Variants in CACNB1 observed in about 807,000 individuals in gnomAD.
The protein encoded by CACNB1 is voltage-dependent L-type calcium channel subunit beta-1.
A neutral mutation model predicts 71.6 loss-of-function variants in CACNB1; 29 were observed. The observed-to-expected ratio is 0.40, with a 90% CI of 0.30 to 0.55. The LOEUF (loss-of-function observed/expected upper bound fraction) is 0.55. Ranked by LOEUF, CACNB1 falls within the 20% of genes least tolerant of loss-of-function variation. The probability of loss-of-function intolerance (pLI) is 0.38; values close to 1 mark genes in which losing one functional copy is unlikely to be tolerated. For synonymous variants in CACNB1, 300 were observed against 319.6 expected, an observed-to-expected ratio of 0.94 and a Z score of 0.65; for missense variants, 623 against 801.8, an observed-to-expected ratio of 0.78 and a Z score of 2.69.
chr17:39,186,405 T>G lies in CACNB1; in HGVS notation c.628+91A>C. The G allele has an allele frequency of 1.1e-6, 1 of 936,142 alleles. No individual in the cohort carries two copies. The highest frequency in any genetic ancestry group is 1.6e-6 in the Non-Finnish European group (1 of 606,344). 58.0% of individuals were successfully genotyped at this position (936,142 alleles called of 1,614,324 possible). On this transcript the variant is annotated intron_variant, in intron 6 of 13. Coordinates refer to ENST00000394303, the MANE Select transcript of CACNB1 (RefSeq NM_000723.5). The surrounding 1 kb of genome is among the most constrained non-coding windows in gnomAD (Gnocchi z 4.1). Reference sequence around the variant, plus strand: ...TTGGGGGACTCAGGATTGGGGTGTTTCCTACTGCAGGGAAAGGAGGATTCA... The same window carrying G: ...TTGGGGGACTCAGGATTGGGGTGTTGCCTACTGCAGGGAAAGGAGGATTCA...
chr17:39,175,218 C>T lies in CACNB1; in HGVS notation c.1772G>A (p.Trp591Ter), dbSNP rs1567787546. 5 of 1,613,308 alleles carry T rather than the reference C, an allele frequency of 3.1e-6. No individual in the cohort carries two copies. Among genetic ancestry groups the T allele is most frequent in the South Asian group, 1.1e-5 (1 of 91,026 alleles). ...LGRNKNELEG[W>*]GRGVYIR ...TCAGCGAATGTAGACGCCTCGTCCC[C>T]AGCCCTCCAGCTCATTCTTGTTGCG... Residue 591 changes from tryptophan to a stop codon, truncating the protein, a stop_gained, in exon 14 of 14, where the codon TGG (tryptophan) becomes TAG (stop). Transcript: ENST00000394303. LOFTEE classifies it high-confidence loss of function. This position sits in a 1 kb window ranked among gnomAD's most constrained non-coding sequence, Gnocchi z 4.7.
chr17:39,194,332 T>C lies in CACNB1; in HGVS notation c.171+552A>G, dbSNP rs2046158095. On this transcript the variant is annotated intron_variant, in intron 2 of 13. Transcript: ENST00000394303. The surrounding 1 kb of genome is among the most constrained non-coding windows in gnomAD (Gnocchi z 4.6). ...GCAGGGGTGCTGGGCTATCATCTTC[T>C]CTATTATAAAATCAACAGCCTCATG... Among the ~76,000 whole-genome samples, 2 of 152,148 alleles carry C rather than the reference T, an allele frequency of 1.3e-5. No individual in the cohort carries two copies. Among genetic ancestry groups the C allele is most frequent in the South Asian group, 4.1e-4 (2 of 4,826 alleles).
intron 1 of CACNB1, 102 bp downstream of exon 1, chr17:39,197,310 C>T (rs2046221956): frequency 5.7e-6 from 4 of 695,874 alleles, no homozygotes; most frequent in East Asian, 6.9e-5. Context: ...CTCTCCTCCG[C>T]GCCCGGCATA....
At chr17:39,191,734 G>A (rs1280703066) in intron 2 of CACNB1, 141 bp from the exon 3 acceptor site, 25 of 758,996 alleles carry the variant, frequency 3.3e-5, no homozygotes, top group Non-Finnish European at 5.2e-5. Flanking sequence ...AAGACAAGGT[G>A]GTATTAGGTG....
intron 6 of CACNB1, among the ~76,000 whole-genome samples, chr17:39,185,564 CCACT>C (rs909322522): frequency 1.3e-5 from 2 of 152,010 alleles, no homozygotes; most frequent in Non-Finnish European, 2.9e-5. Flanking sequence ...CAGCCCCCCC[CCACT>C]ATGTGCCCAC....
At position 39,187,401 on chromosome 17, in the gene CACNB1, C is replaced by T. The variant is rs1300317302; in HGVS notation, c.414+78G>A. On this transcript the variant is annotated intron_variant, in intron 4 of 13. Coordinates refer to ENST00000394303, the MANE Select transcript of CACNB1 (RefSeq NM_000723.5). ...AGATTCAGCCTGGCTCTGCTTGGCTCAGAAGCCTTTTGTCCACTAGCACTC... is the reference window on the plus strand; with the variant it reads ...AGATTCAGCCTGGCTCTGCTTGGCTTAGAAGCCTTTTGTCCACTAGCACTC... 7 of 1,558,348 alleles carry T rather than the reference C, an allele frequency of 4.5e-6. No individual in the cohort carries two copies. The Admixed American group carries it at 1.2e-4, about 26-fold the overall frequency.
At chr17:39,187,238 T>C in intron 4 of CACNB1, 1 of 608,372 alleles carries the variant, frequency 1.6e-6, no homozygotes, top group Non-Finnish European at 2.9e-6. Context: ...TACATGTCCC[T>C]GGCACACCGC....
intron 11 of CACNB1, among the ~76,000 whole-genome samples, chr17:39,180,033 T>A (rs1431076925): frequency 2.0e-5 from 3 of 150,114 alleles, no homozygotes; most frequent in Admixed American, 6.6e-5. Flanking sequence ...GAGGCAGGGG[T>A]GGTGGTGGAT....
At chr17:39,184,010 A>C (rs1465985096) in intron 10 of CACNB1, 21 bp downstream of exon 10, 1 of 1,582,294 alleles carries the variant, frequency 6.3e-7, no homozygotes, top group South Asian at 1.1e-5. Context: ...GGGGGAGTGA[A>C]GACAGCAGGA....
intron 13 of CACNB1, among the ~76,000 whole-genome samples, chr17:39,176,524 G>A (rs2045581798): frequency 6.6e-6 from 1 of 152,196 alleles, no homozygotes; most frequent in African/African-American, 2.4e-5. Flanking sequence ...CCATGGAGGT[G>A]GAGGGGAGGC....
At chr17:39,182,871 G>A (rs2045813137) in intron 11 of CACNB1, 1 of 741,548 alleles carries the variant, frequency 1.3e-6, no homozygotes, top group Admixed American at 6.3e-5. Flanking sequence ...AAGATTCCAA[G>A]TTCAATAAAA....
At chr17:39,191,117 T>C (rs1049645138) in intron 3 of CACNB1, among the ~76,000 whole-genome samples, 1 of 151,964 alleles carries the variant, frequency 6.6e-6, no homozygotes, top group African/African-American at 2.4e-5. Context: ...GGCAGGAGAA[T>C]GGCGTGAACC....
chr17:39,191,768 C>T (rs1241968227), intron 2 of CACNB1, 175 bp from the exon 3 acceptor site: 1 of 598,538 alleles, frequency 1.7e-6, no homozygotes, highest in Non-Finnish European at 2.8e-6. Flanking sequence ...GCTGAGATTT[C>T]TCAGGCCCCT....
chr17:39,176,532 G>A (rs2045582004), intron 13 of CACNB1, among the ~76,000 whole-genome samples: 1 of 152,174 alleles, frequency 6.6e-6, no homozygotes, highest in South Asian at 2.1e-4. Flanking sequence ...GTGGAGGGGA[G>A]GCCATTCCCC....
chr17:39,176,806 G>A (rs2045589761), intron 13 of CACNB1, among the ~76,000 whole-genome samples: 1 of 152,148 alleles, frequency 6.6e-6, no homozygotes, highest in Non-Finnish European at 1.5e-5. Context: ...GGAGAATGGT[G>A]GAAGGTTCAG....
intron 11 of CACNB1, chr17:39,183,061 C>A (rs1019985747): frequency 2.0e-6 from 1 of 495,796 alleles, no homozygotes; most frequent in African/African-American, 2.1e-5. Flanking sequence ...GTAAGGCGGC[C>A]TTCCTACCGA....
chr17:39,187,350 G>T, intron 4 of CACNB1, 129 bp downstream of exon 4: 1 of 1,021,174 alleles, frequency 9.8e-7, no homozygotes. Context: ...CAGAGAGGTG[G>T]AGAGATTTGT....
rs1266053605 is a variant in CACNB1 at position 39,187,618 on chromosome 17, G to C, written c.292-17C>G. 6.2e-7 allele frequency: 1 copy of C among 1,613,972 alleles called. No individual in the cohort carries two copies. On this transcript the variant is annotated splice_polypyrimidine_tract_variant and intron_variant, in intron 3 of 13. Transcript: ENST00000394303. ...TGGCTTGGTCTAGAGGAGGCACACAGGGGAGGATGGCAACTAGAGGGCAAA... is the reference window on the plus strand; with the variant it reads ...TGGCTTGGTCTAGAGGAGGCACACACGGGAGGATGGCAACTAGAGGGCAAA...
chr17:39,190,070 C>T (rs9902246), intron 3 of CACNB1, among the ~76,000 whole-genome samples: 11,609 of 151,676 alleles, frequency 0.077, 925 homozygotes, highest in African/African-American at 0.2. Flanking sequence ...GAGCCGAGAT[C>T]GCACCACTGT....
Sources: allele counts gnomAD v4.1 joint callset (sites outside exome capture counted in the v4.1 genomes callset), GRCh38; gene constraint gnomAD v4.1.1; non-coding constraint Gnocchi (gnomAD v3.1); transcripts MANE v1.5; gene names NCBI Gene and HGNC (gene_info 2026-07-23, HGNC 2026-07-21).